The following FASTKD1 variants were observed in gnomAD, a reference collection of about 807,000 sequenced individuals.
The protein encoded by FASTKD1 is FAST kinase domain-containing protein 1, mitochondrial.
Under a neutral mutation model 90.9 loss-of-function variants are expected in FASTKD1, and 94 were observed. That is an observed-to-expected ratio of 1.03 (90% CI 0.88 to 1.23). The LOEUF (loss-of-function observed/expected upper bound fraction) is 1.23, where lower values mean the gene tolerates loss of function less well. Among genes scored for constraint, FASTKD1 ranks in the 50% most tolerant of loss-of-function variants. The pLI is 0.00. For synonymous variants in FASTKD1, 319 were observed against 345.8 expected (o/e 0.92, Z 0.86); for missense variants, 945 against 993.5 (o/e 0.95, Z 0.66).
At chr2:169,548,798 T>C (rs562965616) in intron 7 of FASTKD1, among the ~76,000 whole-genome samples, 2 of 137,746 alleles carry the variant, frequency 1.5e-5, no homozygotes, top group Admixed American at 1.4e-4. Context: ...ACAATCTAAA[T>C]TAAAACAAAA....
At chr2:169,531,237 A>G (rs1424266838) in intron 13 of FASTKD1, 115 bp downstream of exon 13, 1 of 1,079,534 alleles carries the variant, frequency 9.3e-7, no homozygotes. Flanking sequence ...GGTGGAATGC[A>G]TGACATATGA....
rs770370562 is a variant in FASTKD1 at position 169,529,799 on chromosome 2, A to G, written c.*26T>C. On this transcript the variant is annotated 3_prime_UTR_variant, in exon 15 of 15. Coordinates refer to ENST00000453153, the MANE Select transcript of FASTKD1 (RefSeq NM_024622.6). The stretch of plus-strand genomic sequence containing the variant: ...ATTAAAATAGGTCCAAATGTAACAC[A>G]CGATAACATTCATTTTAAATAAAAA... The G allele has an allele frequency of 1.4e-4, 203 of 1,494,756 alleles. No homozygotes were observed. Among genetic ancestry groups the G allele is most frequent in the Non-Finnish European group, 1.8e-4 (198 of 1,080,666 alleles). The allele number at this position is 1,494,756 out of a possible 1,614,324, so 92.6% of individuals were successfully genotyped here. A position where few individuals can be genotyped will look rare whatever the true frequency, so the allele number is the denominator to read the frequency against.
At position 169,573,824 on chromosome 2, in the gene FASTKD1, G is replaced by C. The variant is rs780652803; in HGVS notation, c.-298C>G. ...ATCTCAGGGTTTATAACCTTTCTTCGAGAGACATGACCTTTCCCATGAGAC... is the reference window on the plus strand; with the variant it reads ...ATCTCAGGGTTTATAACCTTTCTTCCAGAGACATGACCTTTCCCATGAGAC... On this transcript the variant is annotated 5_prime_UTR_variant, in exon 1 of 15. Coordinates refer to ENST00000453153, the MANE Select transcript of FASTKD1 (RefSeq NM_024622.6). The C allele has an allele frequency of 9.2e-5, 14 of 152,096 alleles. No homozygotes were observed. The highest frequency in any genetic ancestry group is 1.5e-4 in the African/African-American group (6 of 41,374). 9.4% of individuals were successfully genotyped at this position (152,096 alleles called of 1,614,324 possible).
intron 3 of FASTKD1, among the ~76,000 whole-genome samples, chr2:169,566,015 G>T (rs1683962331): frequency 6.6e-6 from 1 of 152,062 alleles, no homozygotes; most frequent in South Asian, 2.1e-4. Context: ...CCCATTTTTT[G>T]ATTGGATTAT....
At position 169,531,459 on chromosome 2, in the gene FASTKD1, T is replaced by A. The variant is rs772539950; in HGVS notation, c.2220A>T (p.Lys740Asn). The change falls in exon 13 of 15, where the codon AAA becomes AAT. Residue 740 changes from lysine (K) to asparagine (N), a missense_variant. Transcript: ENST00000453153. The stretch of plus-strand genomic sequence containing the variant: ...TATTATGGCTTCCATACGGAAGAGG[T>A]TTTTTTCTTTTATCCAAGATACACT... ...DFECILDKRK[K>N]PLPYGSHNIA... 3.1e-6 allele frequency: 5 copies of A among 1,609,402 alleles called. No individual in the cohort carries two copies. The Admixed American group carries it at 8.4e-5, about 27-fold the overall frequency.
At chr2:169,529,986 G>T in intron 14 of FASTKD1, 60 bp from the exon 15 acceptor site, 1 of 1,199,044 alleles carries the variant, frequency 8.3e-7, no homozygotes, top group Non-Finnish European at 1.2e-6. Flanking sequence ...AAACATTGAG[G>T]AAGACATATA....
chr2:169,569,184 C>G lies in FASTKD1; in HGVS notation c.446G>C (p.Arg149Thr), dbSNP rs1684125799. 1 of 1,613,918 alleles carries G rather than the reference C, an allele frequency of 6.2e-7. No homozygotes were observed. Among genetic ancestry groups the G allele is most frequent in the Non-Finnish European group, 8.5e-7 (1 of 1,179,838 alleles). The change falls in exon 3 of 15, where the codon AGG (arginine) becomes ACG (threonine). Residue 149 changes from arginine (R) to threonine (T), a missense_variant and splice_region_variant. Arg to Thr is a moderately conservative substitution (Grantham distance 71). Coordinates refer to ENST00000453153, the MANE Select transcript of FASTKD1 (RefSeq NM_024622.6). ...TTCAAGATGAACCCAGGGTACTTGC[C>G]TTTCTAGCCTTCTCCATGCTTCTGT... ...LVTEAWRRLE[R>T]FDIKLLSEFS...
chr2:169,551,907 A>G (rs1296499870), intron 7 of FASTKD1, among the ~76,000 whole-genome samples: 1 of 152,224 alleles, frequency 6.6e-6, no homozygotes, highest in East Asian at 1.9e-4. Context: ...CAGGGTAATG[A>G]GGAAGGCAAA....
In FASTKD1 at chr2:169,529,614, T is replaced by G; in HGVS notation, c.*211A>C. On this transcript the variant is annotated 3_prime_UTR_variant, in exon 15 of 15. Transcript: ENST00000453153. ...GCTCAGAGTAGCCAAGAGGTTGTAT[T>G]TGACTCTGTTATCTCTTATCTTTTC... The G allele has an allele frequency of 2.2e-6, 1 of 448,820 alleles. No homozygotes were observed. Among genetic ancestry groups the G allele is most frequent in the East Asian group, 3.7e-5 (1 of 27,034 alleles). The allele number at this position is 448,820 out of a possible 1,614,324, so 27.8% of individuals were successfully genotyped here.
chr2:169,562,022 T>A (rs1419719383), intron 4 of FASTKD1, among the ~76,000 whole-genome samples: 3 of 96,868 alleles, frequency 3.1e-5, no homozygotes, highest in Non-Finnish European at 4.5e-5. Context: ...TATTGTAAAT[T>A]AATTATTTAT....
chr2:169,530,931 T>C (rs766692879), intron 13 of FASTKD1: 69 of 697,810 alleles, frequency 9.9e-5, no homozygotes, highest in Non-Finnish European at 1.6e-4. Flanking sequence ...TTTGGTCCAA[T>C]ATATATTTAC....
chr2:169,565,697 A>G (rs982805551), intron 3 of FASTKD1, among the ~76,000 whole-genome samples: 2 of 152,232 alleles, frequency 1.3e-5, no homozygotes, highest in Non-Finnish European at 2.9e-5. Context: ...TCTTTTGGGT[A>G]TATACCCAGG....
In FASTKD1 at chr2:169,563,254, A is replaced by C. The variant is rs144747201; in HGVS notation, c.543T>G (p.His181Gln). The C allele has an allele frequency of 1.2e-6, 2 of 1,611,592 alleles. No individual in the cohort carries two copies. Among genetic ancestry groups the C allele is most frequent in the African/African-American group, 2.7e-5 (2 of 74,858 alleles). ...PLMGKIADIV[H>Q]RNLETTQDLS... Reference sequence around the variant, plus strand: ...AGTCCTGTGTGGTTTCCAAGTTCCTATGAACAATATCAGCTATTTTTCCCA... The same window carrying C: ...AGTCCTGTGTGGTTTCCAAGTTCCTCTGAACAATATCAGCTATTTTTCCCA... The change falls in exon 4 of 15, where the codon CAT (histidine) becomes CAG (glutamine). Residue 181 changes from histidine (H) to glutamine (Q), a missense_variant. Physicochemically the swap from His to Gln is conservative, Grantham distance 24. Coordinates refer to ENST00000453153, the MANE Select transcript of FASTKD1 (RefSeq NM_024622.6).
At chr2:169,557,126 G>T (rs1683354797) in intron 6 of FASTKD1, 61 bp downstream of exon 6, 2 of 1,099,274 alleles carry the variant, frequency 1.8e-6, no homozygotes, top group Non-Finnish European at 1.4e-6. Flanking sequence ...TTTTTCCTTA[G>T]AAAAAAATAG....
chr2:169,531,685 A>T (rs557921367), intron 12 of FASTKD1, 195 bp from the exon 13 acceptor site: 1 of 507,558 alleles, frequency 2.0e-6, no homozygotes, highest in African/African-American at 1.9e-5. Context: ...AAATCAATCA[A>T]TAAAAAAATC....
rs988325560 is a variant in FASTKD1 at position 169,537,926 on chromosome 2, G to A, written c.2074+87C>T. 2.6e-6 allele frequency: 3 copies of A among 1,175,634 alleles called. No homozygotes were observed. The African/African-American group carries it at 4.7e-5, about 18-fold the overall frequency. The allele number at this position is 1,175,634 out of a possible 1,614,324, so 72.8% of individuals were successfully genotyped here. On this transcript the variant is annotated intron_variant, in intron 11 of 14. Transcript: ENST00000453153. The stretch of plus-strand genomic sequence containing the variant: ...GCACTCTTGGGAAGGCTCGTGTCAT[G>A]TTTAAGTATAACAAGATTAACAATG...
intron 3 of FASTKD1, among the ~76,000 whole-genome samples, chr2:169,565,751 T>G (rs949315129): frequency 3.3e-5 from 5 of 152,232 alleles, no homozygotes; most frequent in Admixed American, 2.0e-4. Flanking sequence ...TTTTAGTTTT[T>G]GGGGGAACCT....
At chr2:169,563,866 T>C (rs1683831042) in intron 3 of FASTKD1, among the ~76,000 whole-genome samples, 1 of 152,170 alleles carries the variant, frequency 6.6e-6, no homozygotes, top group Non-Finnish European at 1.5e-5. Context: ...CACATACTCA[T>C]ACAATAGAAT....
At chr2:169,552,824 C>T (rs1685550135) in intron 7 of FASTKD1, among the ~76,000 whole-genome samples, 2 of 152,042 alleles carry the variant, frequency 1.3e-5, no homozygotes, top group Admixed American at 6.6e-5. Flanking sequence ...GACAGGTGCA[C>T]TTAAAATCTC....
Sources: allele counts gnomAD v4.1 joint callset (sites outside exome capture counted in the v4.1 genomes callset), GRCh38; gene constraint gnomAD v4.1.1; transcripts MANE v1.5; gene names NCBI Gene and HGNC (gene_info 2026-07-23, HGNC 2026-07-21).